PID1: variants seen among roughly 807,000 people sequenced by gnomAD.
PID1 encodes the protein PTB-containing, cubilin and LRP1-interacting protein.
Under a neutral mutation model 19.1 loss-of-function variants are expected in PID1, and 10 were observed. That is an observed-to-expected ratio of 0.52 (90% CI 0.32 to 0.89). PID1 has a LOEUF of 0.89. Ranked by LOEUF, PID1 falls within the 40% of genes least tolerant of loss-of-function variation. PID1 has a pLI of 0.03. For missense variants in PID1, 248 were observed against 285.3 expected, an observed-to-expected ratio of 0.87 and a Z score of 0.94; for synonymous variants, 130 against 116.0, an observed-to-expected ratio of 1.12 and a Z score of -0.78.
chr2:229,077,344 C>T (rs1694578685), intron 2 of PID1, among the ~76,000 whole-genome samples: 1 of 152,166 alleles, frequency 6.6e-6, no homozygotes, highest in African/African-American at 2.4e-5. Context: ...TGCCTGTTCA[C>T]TCTGATGATA....
intron 2 of PID1, among the ~76,000 whole-genome samples, chr2:229,035,450 AC>A (rs961326206): frequency 8.5e-5 from 12 of 140,864 alleles, no homozygotes; most frequent in African/African-American, 3.2e-4. Flanking sequence ...CTCCCTCTCC[AC>A]CCCCCTCCTT....
intron 2 of PID1, among the ~76,000 whole-genome samples, chr2:229,133,522 T>C (rs908073178): frequency 6.6e-6 from 1 of 152,238 alleles, no homozygotes; most frequent in Non-Finnish European, 1.5e-5. Context: ...ACAACCCAGA[T>C]GAAAACTATG....
intron 1 of PID1, among the ~76,000 whole-genome samples, chr2:229,203,519 A>T (rs965911406): frequency 6.6e-6 from 1 of 152,122 alleles, no homozygotes; most frequent in Non-Finnish European, 1.5e-5. Flanking sequence ...CCAAGAATCC[A>T]TTGACAATGT....
chr2:229,203,164 G>A (rs113677335), intron 1 of PID1, among the ~76,000 whole-genome samples: 3 of 152,034 alleles, frequency 2.0e-5, no homozygotes, highest in African/African-American at 7.2e-5. Flanking sequence ...CAGTACTTGA[G>A]AGCCAGTGTC....
rs1026976480 is a variant in PID1, at chr2:229,104,964, C to G, written c.177+50854G>C. Among the ~76,000 whole-genome samples the G allele has an allele frequency of 2.0e-5, 3 of 152,186 alleles. No individual in the cohort carries two copies. In the East Asian group the frequency reaches 5.8e-4, roughly 29 times the overall value. On this transcript the variant is annotated intron_variant, in intron 2 of 2. Transcript: ENST00000392055. Reference sequence around the variant, plus strand: ...AGAAAAATACAGACAGACACAGACACAAATGTTCCCAGAGACAAACGCACT... The same window carrying G: ...AGAAAAATACAGACAGACACAGACAGAAATGTTCCCAGAGACAAACGCACT...
chr2:229,147,479 T>C (rs1690158980), intron 2 of PID1, among the ~76,000 whole-genome samples: 1 of 152,058 alleles, frequency 6.6e-6, no homozygotes, highest in Non-Finnish European at 1.5e-5. Context: ...AGTATATCTG[T>C]CCAGCGTTCT....
intron 2 of PID1, among the ~76,000 whole-genome samples, chr2:229,083,925 C>G (rs752641952): frequency 9.2e-5 from 14 of 152,206 alleles, no homozygotes; most frequent in Non-Finnish European, 1.3e-4. Context: ...CTAAGGAGTT[C>G]AATGGCTCCC....
intron 1 of PID1, among the ~76,000 whole-genome samples, chr2:229,235,995 C>T (rs1399475098): frequency 6.6e-6 from 1 of 152,082 alleles, no homozygotes; most frequent in African/African-American, 2.4e-5. Context: ...GAGTGGAAAA[C>T]CAAAGCCTGT....
intron 1 of PID1, among the ~76,000 whole-genome samples, chr2:229,178,752 G>C (rs2106216522): frequency 6.6e-6 from 1 of 151,444 alleles, no homozygotes; most frequent in East Asian, 2.0e-4. Context: ...TACAGAGCTA[G>C]ACTATGTGAT....
chr2:229,217,484 G>A (rs1037935302), intron 1 of PID1, among the ~76,000 whole-genome samples: 1 of 152,166 alleles, frequency 6.6e-6, no homozygotes, highest in Non-Finnish European at 1.5e-5. Flanking sequence ...TCAGAAAATG[G>A]AGAGAGATGG....
At chr2:229,036,479 GGT>G (rs201632365) in intron 2 of PID1, among the ~76,000 whole-genome samples, 3,028 of 152,262 alleles carry the variant, frequency 0.02, 51 homozygotes, top group Non-Finnish European at 0.032. Context: ...GGCCAGGTGT[GGT>G]GGCTCACGGC....
chr2:229,262,994 C>A, intron 1 of PID1: 1 of 1,176,350 alleles, frequency 8.5e-7, no homozygotes, highest in Non-Finnish European at 1.1e-6. Context: ...CCAAATAAAG[C>A]TACATTCACA....
chr2:229,220,562 G>A (rs1691945445), intron 1 of PID1, among the ~76,000 whole-genome samples: 1 of 152,070 alleles, frequency 6.6e-6, no homozygotes, highest in African/African-American at 2.4e-5. Flanking sequence ...CAACACCCAG[G>A]GATGGCAGCA....
At chr2:229,268,825 A>G (rs1559310158) in intron 1 of PID1, among the ~76,000 whole-genome samples, 3 of 152,182 alleles carry the variant, frequency 2.0e-5, no homozygotes, top group African/African-American at 4.8e-5. Flanking sequence ...GTGAAAGGAA[A>G]AGAAAAGGAA....
chr2:229,109,632 C>T (rs771028520), intron 2 of PID1, among the ~76,000 whole-genome samples: 4 of 152,206 alleles, frequency 2.6e-5, no homozygotes, highest in East Asian at 1.9e-4. Context: ...TAGAGCAATG[C>T]TCATAAACAG....
At chr2:229,158,502 T>C (rs1008294179) in intron 1 of PID1, among the ~76,000 whole-genome samples, 5 of 152,114 alleles carry the variant, frequency 3.3e-5, no homozygotes, top group Non-Finnish European at 7.4e-5. Flanking sequence ...TTCAAGGACA[T>C]ATCACAAGGG....
At chr2:229,185,811 C>T (rs1198782068) in intron 1 of PID1, among the ~76,000 whole-genome samples, 2 of 152,146 alleles carry the variant, frequency 1.3e-5, no homozygotes, top group African/African-American at 4.8e-5. Flanking sequence ...TATCATTCTA[C>T]CCCTGGTCCC....
chr2:229,219,695 C>T (rs1251193499), intron 1 of PID1, among the ~76,000 whole-genome samples: 2 of 151,750 alleles, frequency 1.3e-5, no homozygotes, highest in African/African-American at 4.8e-5. Context: ...CACCACCACA[C>T]CTGGCTAATT....
At chr2:229,260,866 T>C (rs944619618) in intron 1 of PID1, among the ~76,000 whole-genome samples, 1 of 147,524 alleles carries the variant, frequency 6.8e-6, no homozygotes, top group Non-Finnish European at 1.5e-5. Flanking sequence ...GGGATAAATA[T>C]CTTGGTGACT....
Sources: allele counts gnomAD v4.1 joint callset (sites outside exome capture counted in the v4.1 genomes callset), GRCh38; gene constraint gnomAD v4.1.1; transcripts MANE v1.5; gene names NCBI Gene and HGNC (gene_info 2026-07-23, HGNC 2026-07-21).